DPF2: variants seen among roughly 807,000 people sequenced by gnomAD.
The protein encoded by DPF2 is zinc finger protein ubi-d4.
In DPF2, 10 loss-of-function variants were observed where a neutral mutation model predicts 59.6. The ratio of observed to expected loss-of-function variants is 0.17; its 90% CI spans 0.10 to 0.28. The LOEUF is 0.28. DPF2 is among the 10% of genes least tolerant of loss of function. DPF2 has a pLI of 1.00. For synonymous variants in DPF2, 189 were observed against 190.6 expected (o/e 0.99, Z 0.07); for missense variants, 315 against 509.4 (o/e 0.62, Z 3.67).
chr11:65,341,829 G>T (rs1590933159), intron 4 of DPF2: 1 of 299,280 alleles, frequency 3.3e-6, no homozygotes, highest in East Asian at 6.1e-5. Flanking sequence ...ATTAAAATAG[G>T]CCAGATGCAG....
intron 1 of DPF2, 135 bp downstream of exon 1, chr11:65,334,053 G>A (rs1193855385): frequency 1.6e-6 from 2 of 1,259,666 alleles, no homozygotes; most frequent in Non-Finnish European, 2.2e-6. Context: ...TGGTGGGGAG[G>A]GCAACAGGAG....
chr11:65,339,846 A>G (rs529272501), intron 1 of DPF2, among the ~76,000 whole-genome samples: 1 of 152,216 alleles, frequency 6.6e-6, no homozygotes, highest in Non-Finnish European at 1.5e-5. Flanking sequence ...CTTATGGCTA[A>G]GTAGAATTTC....
rs1446417632 is a variant in DPF2, at chr11:65,343,511, G to A, written c.466-234G>A. On this transcript the variant is annotated intron_variant, in intron 4 of 10. Coordinates refer to ENST00000528416, the MANE Select transcript of DPF2 (RefSeq NM_006268.5). ...TTGATTTGGCCATGTGGCATGGTGG[G>A]GAAAGCATTTCAGGCTAAGGAAATA... is the stretch of plus-strand genomic sequence containing the variant. The A allele has an allele frequency of 7.3e-6, 4 of 545,030 alleles. No homozygotes were observed. The East Asian group carries it at 1.2e-4, about 16-fold the overall frequency. The allele number at this position is 545,030 out of a possible 1,614,324, so 33.8% of individuals were successfully genotyped here.
chr11:65,338,318 C>A (rs1854266673), intron 1 of DPF2, among the ~76,000 whole-genome samples: 1 of 152,214 alleles, frequency 6.6e-6, no homozygotes, highest in Non-Finnish European at 1.5e-5. Context: ...CCCCACACTT[C>A]AGTGTTTCCT....
chr11:65,350,100 T>C (rs1054276500), intron 10 of DPF2, among the ~76,000 whole-genome samples: 2 of 152,172 alleles, frequency 1.3e-5, no homozygotes, highest in Non-Finnish European at 2.9e-5. Flanking sequence ...TTTGTTTTGT[T>C]TTTTTAAACC....
intron 10 of DPF2, among the ~76,000 whole-genome samples, chr11:65,351,081 T>A (rs1854683956): frequency 6.6e-6 from 1 of 152,078 alleles, no homozygotes; most frequent in Non-Finnish European, 1.5e-5. Flanking sequence ...TACAGAAAAC[T>A]TTGCCAACCG....
At chr11:65,349,701 C>CA (rs1338600402) in intron 10 of DPF2, among the ~76,000 whole-genome samples, 2 of 151,872 alleles carry the variant, frequency 1.3e-5, no homozygotes, top group African/African-American at 4.8e-5. Context: ...GAGGCTGAGG[C>CA]AGGAGAATGG....
At position 65,353,518 on chromosome 11, in the gene DPF2, G is replaced by A. The variant is rs1157385191; in HGVS notation, c.*1759G>A. ...GAGCAAGTGCTCTAGGATCTGAACT[G>A]CCCGCAGTGCAGCCCTGCAGCCTTT... On this transcript the variant is annotated 3_prime_UTR_variant, in exon 11 of 11. Transcript: ENST00000528416. 6.6e-6 allele frequency among the ~76,000 whole-genome samples: 1 copy of A among 152,262 alleles called. No homozygotes were observed. Among genetic ancestry groups the A allele is most frequent in the African/African-American group, 2.4e-5 (1 of 41,472 alleles).
Position 65,352,190 on chromosome 11 carries a change from C to T in DPF2, c.*431C>T, listed in dbSNP as rs1854719057. The T allele has an allele frequency of 5.2e-6, 1 of 192,650 alleles. No individual in the cohort carries two copies. Among genetic ancestry groups the T allele is most frequent in the South Asian group, 1.0e-4 (1 of 9,972 alleles). 11.9% of individuals were successfully genotyped at this position (192,650 alleles called of 1,614,324 possible). ...GCCAGGCCAGGGAGCTGGGAGCGAG[C>T]AAGCTGAGGCCACGTCCACAAGGAG... is the stretch of plus-strand genomic sequence containing the variant. On this transcript the variant is annotated 3_prime_UTR_variant, in exon 11 of 11. Transcript: ENST00000528416.
At chr11:65,344,635 CTT>C in intron 6 of DPF2, 1 of 1,535,776 alleles carries the variant, frequency 6.5e-7, no homozygotes, top group African/African-American at 1.4e-5. Context: ...GCTCTCTCAA[CTT>C]TTCAGACTTG....
In DPF2 at chr11:65,351,769, C is replaced by T; in HGVS notation, c.*10C>T. On this transcript the variant is annotated 3_prime_UTR_variant, in exon 11 of 11. Coordinates refer to ENST00000528416, the MANE Select transcript of DPF2 (RefSeq NM_006268.5). ...CCAGAACTCCTCTTGATGTGGCCAC[C>T]CACCTGCTCCCCGACATATCTAAGG... The T allele has an allele frequency of 6.2e-7, 1 of 1,612,262 alleles. No homozygotes were observed. Among genetic ancestry groups the T allele is most frequent in the Non-Finnish European group, 8.5e-7 (1 of 1,179,696 alleles).
intron 2 of DPF2, 47 bp downstream of exon 2, chr11:65,340,592 A>G: frequency 6.2e-7 from 1 of 1,605,492 alleles, no homozygotes; most frequent in Non-Finnish European, 8.5e-7. Context: ...CATAAGGAGG[A>G]AGAAGCCTCC....
chr11:65,345,916 CTT>C lies in DPF2; in HGVS notation c.776-12_776-11del. 3 of 1,614,034 alleles carry C rather than the reference CTT, an allele frequency of 1.9e-6. No homozygotes were observed. The highest frequency in any genetic ancestry group is 2.2e-5 in the East Asian group (1 of 44,862). On this transcript the variant is annotated splice_polypyrimidine_tract_variant and intron_variant, in intron 7 of 10. Coordinates refer to ENST00000528416, the MANE Select transcript of DPF2 (RefSeq NM_006268.5). ...GACCCCCATGGGTGTCATCAAAACT[CTT>C]TCTCTCTGTAGCCAAAAAGGGTCCT...
At chr11:65,335,541 T>C (rs534626005) in intron 1 of DPF2, among the ~76,000 whole-genome samples, 1 of 152,310 alleles carries the variant, frequency 6.6e-6, no homozygotes, top group East Asian at 1.9e-4. Context: ...TGTTTCTCTT[T>C]GAAAAACTGT....
intron 9 of DPF2, chr11:65,348,294 T>TA (rs1854597028): frequency 6.6e-6 from 1 of 150,840 alleles, no homozygotes; most frequent in Admixed American, 6.7e-5. Context: ...CAAAAAGAAA[T>TA]AGTCACTGGG....
Position 65,333,893 on chromosome 11 carries a change from G to A in DPF2, c.7G>A (p.Ala3Thr). Residue 3 changes from alanine (A) to threonine (T), a missense_variant, in exon 1 of 11, where the codon GCT becomes ACT. By Grantham distance (58) the Ala-to-Thr change is moderately conservative. Transcript: ENST00000528416. Reference sequence around the variant, plus strand: ...AGGCAGAGGAACAGGGAAGATGGCGGCTGTGGTGGAGAATGTAGTGAAGCT... The same window carrying A: ...AGGCAGAGGAACAGGGAAGATGGCGACTGTGGTGGAGAATGTAGTGAAGCT... MA[A>T]VVENVVKLLG... 1 of 1,614,050 alleles carries A rather than the reference G, an allele frequency of 6.2e-7. No homozygotes were observed. The highest frequency in any genetic ancestry group is 1.7e-5 in the Admixed American group (1 of 60,028).
chr11:65,350,983 A>G (rs568686909), intron 10 of DPF2, among the ~76,000 whole-genome samples: 1 of 144,040 alleles, frequency 6.9e-6, no homozygotes, highest in African/African-American at 2.6e-5. Context: ...CTTGTCTCAG[A>G]AAAAAAAAAA....
At chr11:65,350,840 G>A (rs558886191) in intron 10 of DPF2, among the ~76,000 whole-genome samples, 4 of 151,790 alleles carry the variant, frequency 2.6e-5, no homozygotes, top group Non-Finnish European at 5.9e-5. Context: ...TTAGCTGGGC[G>A]TGGTGCTGTG....
chr11:65,337,500 TATATAGAGAGAG>T (rs1275214433), intron 1 of DPF2, among the ~76,000 whole-genome samples: 94 of 40,270 alleles, frequency 2.3e-3, no homozygotes, highest in African/African-American at 5.3e-3. Flanking sequence ...TATATATATA[TATATAGAGAGAG>T]AGAGAGAGAG....
Sources: allele counts gnomAD v4.1 joint callset (sites outside exome capture counted in the v4.1 genomes callset), GRCh38; gene constraint gnomAD v4.1.1; transcripts MANE v1.5; gene names NCBI Gene and HGNC (gene_info 2026-07-23, HGNC 2026-07-21).